TOR1AIP2: variants seen among roughly 807,000 people sequenced by gnomAD.
TOR1AIP2 encodes the protein torsin 1A interacting protein 2.
TOR1AIP2 carries 20 observed loss-of-function variants against 32.6 expected under a neutral mutation model. The ratio of observed to expected loss-of-function variants is 0.61; its 90% CI spans 0.43 to 0.89. The LOEUF (loss-of-function observed/expected upper bound fraction) is 0.89, where lower values mean the gene tolerates loss of function less well. Ranked by LOEUF, TOR1AIP2 falls within the 40% of genes least tolerant of loss-of-function variation. The probability of loss-of-function intolerance (pLI) is 0.00; values close to 1 mark genes in which losing one functional copy is unlikely to be tolerated. For synonymous variants in TOR1AIP2, 214 were observed against 210.8 expected (o/e 1.02, Z -0.13); for missense variants, 456 against 553.8 (o/e 0.82, Z 1.77).
chr1:179,860,691 G>A (rs144604134), intron 3 of TOR1AIP2: 51 of 983,940 alleles, frequency 5.2e-5, no homozygotes, highest in Non-Finnish European at 6.2e-5. Context: ...ATACAGAGAG[G>A]TTAAAATGCC....
chr1:179,841,737 G>T lies in TOR1AIP2; in HGVS notation c.*4334C>A, dbSNP rs1695722893. On this transcript the variant is annotated 3_prime_UTR_variant, in exon 7 of 7. Coordinates refer to ENST00000609928, the MANE Select transcript of TOR1AIP2 (RefSeq NM_001199260.2). ...TATTTTCTATTTAACATTCATTTTT[G>T]AAGTGCCAGAGACCTGCCTATGTCG... 2 of 152,192 alleles carry T rather than the reference G, an allele frequency of 1.3e-5. No homozygotes were observed. The highest frequency in any genetic ancestry group is 4.8e-5 in the African/African-American group (2 of 41,442). The allele number at this position is 152,192 out of a possible 1,614,324, so 9.4% of individuals were successfully genotyped here.
chr1:179,875,817 T>G (rs1011194240), intron 2 of TOR1AIP2: 6 of 152,190 alleles, frequency 3.9e-5, no homozygotes, highest in Non-Finnish European at 8.8e-5. Context: ...GACTCCAGTC[T>G]ATGCTCATTA....
In TOR1AIP2 at chr1:179,851,248, G is replaced by T; in HGVS notation, c.150C>A (p.Ser50Arg). ...AEILHSACGL[S>R]KDHQEVETEG... ...CTGTCTCTACCTCTTGGTGGTCTTT[G>T]CTAAGACCACAGGCAGAGTGTAGGA... The change falls in exon 5 of 7, where the codon AGC becomes AGA. Residue 50 changes from serine (S) to arginine (R), a missense_variant. By Grantham distance (110) the Ser-to-Arg change is moderately radical (BLOSUM62 -1). Transcript: ENST00000609928. 1 of 1,612,850 alleles carries T rather than the reference G, an allele frequency of 6.2e-7. No homozygotes were observed.
chr1:179,876,974 C>G (rs1647365491), intron 2 of TOR1AIP2, among the ~76,000 whole-genome samples: 1 of 146,458 alleles, frequency 6.8e-6, no homozygotes, highest in Non-Finnish European at 1.5e-5. Context: ...TCAACTTTGC[C>G]CTTTTTAGCA....
chr1:179,846,268 C>G lies in TOR1AIP2; in HGVS notation c.1216G>C (p.Glu406Gln). The change falls in exon 7 of 7, where the codon GAA (glutamate) becomes CAA (glutamine). Residue 406 changes from glutamate to glutamine, a missense_variant. Glu to Gln is a conservative substitution (Grantham distance 29). Transcript: ENST00000609928. ...LTVLLEEETL[E>Q]ASVGPRETEE... ...GTTTCCCTTGGGCCTACACTTGCTT[C>G]TAATGTTTCCTCCTCTAGCAGAACA... is the stretch of plus-strand genomic sequence containing the variant. The G allele has an allele frequency of 6.2e-7, 1 of 1,614,206 alleles. No individual in the cohort carries two copies. The highest frequency in any genetic ancestry group is 1.1e-5 in the South Asian group (1 of 91,084).
In TOR1AIP2 at chr1:179,844,806, C is replaced by T. The variant is rs1186367273; in HGVS notation, c.*1265G>A. ...TGTTCCATCACTGCATAGAAATAAA[C>T]TGGTAAAGTTATGCCAAATGTTCAT... On this transcript the variant is annotated 3_prime_UTR_variant, in exon 7 of 7. Coordinates refer to ENST00000609928, the MANE Select transcript of TOR1AIP2 (RefSeq NM_001199260.2). 1 of 152,148 alleles carries T rather than the reference C, an allele frequency of 6.6e-6. No individual in the cohort carries two copies. The highest frequency in any genetic ancestry group is 6.5e-5 in the Admixed American group (1 of 15,274). The allele number at this position is 152,148 out of a possible 1,614,324, so 9.4% of individuals were successfully genotyped here. A position where few individuals can be genotyped will look rare whatever the true frequency, so the allele number is the denominator to read the frequency against.
intron 2 of TOR1AIP2, chr1:179,875,692 T>C (rs150704663): frequency 2.0e-5 from 3 of 152,020 alleles, no homozygotes; most frequent in African/African-American, 4.8e-5. Flanking sequence ...ATGTGCACAG[T>C]TCATACCAGA....
chr1:179,851,417 T>C (rs1467933988), intron 4 of TOR1AIP2, 54 bp from the exon 5 acceptor site: 2 of 1,328,590 alleles, frequency 1.5e-6, no homozygotes, highest in African/African-American at 1.5e-5. Context: ...CATAAATTTA[T>C]ATTTTAACAA....
At chr1:179,864,953 T>C (rs1696707273) in intron 3 of TOR1AIP2, 2 of 1,613,954 alleles carry the variant, frequency 1.2e-6, no homozygotes, top group African/African-American at 1.3e-5. Flanking sequence ...GGTGAGATTC[T>C]GGGGAGCCCA....
At chr1:179,873,055 T>C (rs555552379) in intron 2 of TOR1AIP2, among the ~76,000 whole-genome samples, 2 of 152,304 alleles carry the variant, frequency 1.3e-5, no homozygotes, top group East Asian at 3.9e-4. Context: ...GATTTCACGA[T>C]TTCTTTTAGT....
rs368274587 is a variant in TOR1AIP2, at chr1:179,846,091, C to T, written c.1393G>A (p.Glu465Lys). 1 of 1,613,966 alleles carries T rather than the reference C, an allele frequency of 6.2e-7. No homozygotes were observed. Among genetic ancestry groups the T allele is most frequent in the African/African-American group, 1.3e-5 (1 of 75,048 alleles). ...TAGCTTTAGAAAAGGCACCCCTGTT[C>T]TTCTATGCTACTCACTGGCTGGACT... ...LPVQPVSSIEEQGCLF is the reference protein window; with the variant it reads ...LPVQPVSSIEKQGCLF The change falls in exon 7 of 7, where the codon GAA (glutamate) becomes AAA (lysine). Residue 465 changes from glutamate to lysine, a missense_variant. Coordinates refer to ENST00000609928, the MANE Select transcript of TOR1AIP2 (RefSeq NM_001199260.2).
chr1:179,846,957 A>C, intron 6 of TOR1AIP2, 129 bp from the exon 7 acceptor site: 2 of 978,848 alleles, frequency 2.0e-6, no homozygotes, highest in Non-Finnish European at 2.9e-6. Context: ...CTTTTGCATA[A>C]ATTGTTTAAA....
rs567218664 is a variant in TOR1AIP2 at position 179,845,067 on chromosome 1, T to C, written c.*1004A>G. The C allele has an allele frequency of 6.6e-6, 1 of 152,318 alleles. No individual in the cohort carries two copies. The highest frequency in any genetic ancestry group is 2.4e-5 in the African/African-American group (1 of 41,582). The allele number at this position is 152,318 out of a possible 1,614,324, so 9.4% of individuals were successfully genotyped here. On this transcript the variant is annotated 3_prime_UTR_variant, in exon 7 of 7. Coordinates refer to ENST00000609928, the MANE Select transcript of TOR1AIP2 (RefSeq NM_001199260.2). ...CTGTTCATGTATAGATCTTTATCCTTCATAAATAATGTATCTATACAATAA... is the reference window on the plus strand; with the variant it reads ...CTGTTCATGTATAGATCTTTATCCTCCATAAATAATGTATCTATACAATAA...
At chr1:179,860,504 AAG>A (rs1253563916) in intron 3 of TOR1AIP2, 2 of 985,340 alleles carry the variant, frequency 2.0e-6, no homozygotes, top group Non-Finnish European at 2.4e-6. Flanking sequence ...CAAAACAAGT[AAG>A]ACTCTACCTT....
At chr1:179,873,846 A>T (rs1295407620) in intron 2 of TOR1AIP2, 1 of 152,196 alleles carries the variant, frequency 6.6e-6, no homozygotes, top group Non-Finnish European at 1.5e-5. Flanking sequence ...AATTGTTCCA[A>T]CCTGGATACC....
At chr1:179,876,176 T>C (rs1223248711) in intron 2 of TOR1AIP2, 2 of 152,202 alleles carry the variant, frequency 1.3e-5, no homozygotes, top group Non-Finnish European at 1.5e-5. Flanking sequence ...GTGTGGACTT[T>C]CCTGGAATAG....
At chr1:179,870,429 A>C (rs962647285) in intron 2 of TOR1AIP2, among the ~76,000 whole-genome samples, 1 of 151,926 alleles carries the variant, frequency 6.6e-6, no homozygotes, top group Non-Finnish European at 1.5e-5. Context: ...TTACATACAC[A>C]TGTGCATTTT....
At chr1:179,855,253 T>G (rs186146357) in intron 3 of TOR1AIP2, among the ~76,000 whole-genome samples, 18 of 152,280 alleles carry the variant, frequency 1.2e-4, no homozygotes, top group Non-Finnish European at 2.1e-4. Flanking sequence ...ATTAAAAAAT[T>G]TTAATTTCTA....
At chr1:179,860,200 T>G in intron 3 of TOR1AIP2, 2 of 985,362 alleles carry the variant, frequency 2.0e-6, no homozygotes, top group Non-Finnish European at 2.4e-6. Flanking sequence ...AAACTAAGAC[T>G]CGGTGGACAC....
Sources: gnomAD v4.1 joint callset for allele counts (sites outside exome capture counted in the v4.1 genomes callset) on GRCh38, gnomAD v4.1.1 for gene constraint, MANE v1.5 for transcripts, NCBI Gene and HGNC (gene_info 2026-07-23, HGNC 2026-07-21) for gene names.